Variants in NRXN1 observed in about 807,000 individuals in gnomAD.
The protein encoded by NRXN1 is neurexin 1.
Under a neutral mutation model 150.9 loss-of-function variants are expected in NRXN1, and 39 were observed. The observed-to-expected ratio is 0.26, with a 90% CI of 0.20 to 0.34. The LOEUF is 0.34. NRXN1 is among the 10% of genes least tolerant of loss of function. NRXN1 has a pLI of 1.00. For synonymous variants in NRXN1, 924 were observed against 757.0 expected (o/e 1.22, Z -3.62); for missense variants, 1,815 against 1,949.9 (o/e 0.93, Z 1.30).
intron 19 of NRXN1, among the ~76,000 whole-genome samples, chr2:50,064,115 A>AC (rs1178513805): frequency 6.6e-6 from 1 of 151,960 alleles, no homozygotes; most frequent in Admixed American, 6.6e-5. Context: ...TTTCTTCTTG[A>AC]CCATTTAGTG....
At chr2:50,765,612 G>A (rs1269684769) in intron 5 of NRXN1, among the ~76,000 whole-genome samples, 1 of 151,980 alleles carries the variant, frequency 6.6e-6, no homozygotes, top group African/African-American at 2.4e-5. Flanking sequence ...ACCAAATGCA[G>A]ATATAATCAA....
chr2:50,728,076 T>C (rs1000429060), intron 5 of NRXN1, among the ~76,000 whole-genome samples: 10 of 152,236 alleles, frequency 6.6e-5, no homozygotes, highest in African/African-American at 2.2e-4. Flanking sequence ...ATCAACAATA[T>C]CCATGATGCA....
intron 8 of NRXN1, among the ~76,000 whole-genome samples, chr2:50,571,371 C>T (rs12713113): frequency 0.37 from 56,733 of 151,922 alleles, 11,534 homozygotes; most frequent in East Asian, 0.59. Context: ...GAAGAAGTGG[C>T]TTCTACATTC....
chr2:50,317,576 A>G (rs2075713501), intron 17 of NRXN1, among the ~76,000 whole-genome samples: 1 of 152,008 alleles, frequency 6.6e-6, no homozygotes, highest in Admixed American at 6.6e-5. Context: ...TTAAAAAATG[A>G]AAGAATGTAC....
chr2:50,728,019 C>T (rs1249033945), intron 5 of NRXN1, among the ~76,000 whole-genome samples: 1 of 152,126 alleles, frequency 6.6e-6, no homozygotes, highest in Admixed American at 6.5e-5. Context: ...ATTATGGAAA[C>T]AGAATCTGTA....
intron 8 of NRXN1, among the ~76,000 whole-genome samples, chr2:50,609,125 G>A (rs1051097038): frequency 1.3e-5 from 2 of 152,028 alleles, no homozygotes; most frequent in African/African-American, 4.8e-5. Flanking sequence ...TATTATGTAT[G>A]ATTTGTGGTC....
intron 5 of NRXN1, among the ~76,000 whole-genome samples, chr2:50,735,217 T>C (rs1033019378): frequency 1.6e-4 from 24 of 151,548 alleles, no homozygotes; most frequent in Non-Finnish European, 3.4e-4. Context: ...TCTGGATACC[T>C]TTATAATTTT....
intron 17 of NRXN1, among the ~76,000 whole-genome samples, chr2:50,430,110 A>T (rs1349736657): frequency 1.3e-5 from 2 of 152,174 alleles, no homozygotes; most frequent in Non-Finnish European, 2.9e-5. Context: ...CCATTGTTCT[A>T]TTCAATGCCT....
chr2:50,488,859 C>G (rs72878394), intron 15 of NRXN1, among the ~76,000 whole-genome samples: 5,779 of 152,270 alleles, frequency 0.038, 356 homozygotes, highest in African/African-American at 0.13. Flanking sequence ...AGCTCGAATT[C>G]TAAGAAGACA....
chr2:50,658,911 A>T (rs1405151786), intron 5 of NRXN1, among the ~76,000 whole-genome samples: 3 of 152,014 alleles, frequency 2.0e-5, no homozygotes, highest in East Asian at 1.9e-4. Context: ...ACAGTACAGC[A>T]CTGAAAACAG....
chr2:50,032,758 C>T (rs887879828), intron 21 of NRXN1, among the ~76,000 whole-genome samples: 11 of 151,820 alleles, frequency 7.2e-5, no homozygotes, highest in Non-Finnish European at 1.6e-4. Context: ...TTTCCCTGTA[C>T]ACAGAGGAAA....
At chr2:50,263,333 C>G (rs149205245) in intron 17 of NRXN1, among the ~76,000 whole-genome samples, 2 of 151,906 alleles carry the variant, frequency 1.3e-5, no homozygotes, top group African/African-American at 2.4e-5. Context: ...AGCAGTAGAA[C>G]CAATGTACTT....
At chr2:49,957,881 C>T (rs1675256711) in intron 21 of NRXN1, among the ~76,000 whole-genome samples, 2 of 152,168 alleles carry the variant, frequency 1.3e-5, no homozygotes, top group African/African-American at 4.8e-5. Flanking sequence ...TTCTACTCCT[C>T]CTAGTTTCAT....
intron 5 of NRXN1, among the ~76,000 whole-genome samples, chr2:50,858,337 A>G (rs556315424): frequency 2.6e-5 from 4 of 152,222 alleles, no homozygotes; most frequent in African/African-American, 9.6e-5. Flanking sequence ...GTTTGGGCGC[A>G]ATCATTCTCA....
rs78209903 is a variant in NRXN1, at chr2:50,320,690, G to A, written c.3365-83720C>T. ...GAGGGTATTTCTGGCATTGGAAATC[G>A]AATATGAAATTCAGCTCAAGCATGT... On this transcript the variant is annotated intron_variant, in intron 17 of 22. Transcript: ENST00000401669. Among the ~76,000 whole-genome samples, 518 of 152,008 alleles carry A rather than the reference G, an allele frequency of 3.4e-3. 2 individuals carry two copies. Among genetic ancestry groups the A allele is most frequent in the Non-Finnish European group, 5.3e-3 (363 of 67,968 alleles).
intron 18 of NRXN1, among the ~76,000 whole-genome samples, chr2:50,110,494 A>G (rs1702241225): frequency 1.4e-5 from 2 of 147,382 alleles, no homozygotes; most frequent in African/African-American, 2.5e-5. Context: ...TCTGTCTCAA[A>G]AAAAAAAAAA....
chr2:50,092,673 A>G (rs533132807), intron 18 of NRXN1, among the ~76,000 whole-genome samples: 1 of 152,328 alleles, frequency 6.6e-6, no homozygotes, highest in African/African-American at 2.4e-5. Flanking sequence ...ATCAGCTTAC[A>G]CTAAGAATCC....
chr2:50,779,827 CAT>C (rs1270363675), intron 5 of NRXN1, among the ~76,000 whole-genome samples: 10 of 151,906 alleles, frequency 6.6e-5, no homozygotes, highest in East Asian at 1.9e-4. Flanking sequence ...ATAAAATAAA[CAT>C]GTGTGCATAT....
At chr2:50,986,878 T>C (rs1395820779) in intron 2 of NRXN1, among the ~76,000 whole-genome samples, 1 of 151,858 alleles carries the variant, frequency 6.6e-6, no homozygotes, top group Non-Finnish European at 1.5e-5. Flanking sequence ...TATATATGTA[T>C]ATATGCGTAA....
Sources: gnomAD v4.1 joint callset for allele counts (sites outside exome capture counted in the v4.1 genomes callset) on GRCh38, gnomAD v4.1.1 for gene constraint, MANE v1.5 for transcripts, NCBI Gene and HGNC (gene_info 2026-07-23, HGNC 2026-07-21) for gene names.